Variants in KLHL12 observed in about 807,000 individuals in gnomAD.
KLHL12 encodes kelch like family member 12.
In KLHL12, 17 loss-of-function variants were observed where a neutral mutation model predicts 60.8. That is an observed-to-expected ratio of 0.28 (90% confidence interval 0.19 to 0.42). The LOEUF (loss-of-function observed/expected upper bound fraction) is 0.42, where lower values mean the gene tolerates loss of function less well. Ranked by LOEUF, KLHL12 falls within the 10% of genes least tolerant of loss-of-function variation. The pLI is 1.00. For missense variants in KLHL12, 468 were observed against 722.3 expected, an observed-to-expected ratio of 0.65 and a Z score of 4.04; for synonymous variants, 220 against 250.9, an observed-to-expected ratio of 0.88 and a Z score of 1.16.
chr1:202,920,034 C>T (rs1482364472), intron 2 of KLHL12, 126 bp from the exon 3 acceptor site: 2 of 901,056 alleles, frequency 2.2e-6, no homozygotes, highest in African/African-American at 3.4e-5. Flanking sequence ...AAATTACAGG[C>T]CAGGCGTGGT....
chr1:202,914,113 G>C (rs12752406), intron 4 of KLHL12, among the ~76,000 whole-genome samples: 1 of 152,072 alleles, frequency 6.6e-6, no homozygotes, highest in Non-Finnish European at 1.5e-5. Context: ...CAAGGGCCAG[G>C]TACAGAGAGC....
Position 202,894,285 on chromosome 1 carries a change from G to A in KLHL12, c.1295-3C>T. 1 of 1,537,244 alleles carries A rather than the reference G, an allele frequency of 6.5e-7. No homozygotes were observed. The highest frequency in any genetic ancestry group is 8.8e-7 in the Non-Finnish European group (1 of 1,132,416). ...GATATTCAAGCCGTCATATCCTCCT[G>A]GAAGACAGAGACCATTCCAGAAAGA... On this transcript the variant is annotated splice_region_variant and splice_polypyrimidine_tract_variant and intron_variant, in intron 9 of 11. Transcript: ENST00000367261.
At chr1:202,919,712 G>A (rs1660627805) in intron 3 of KLHL12, 43 bp downstream of exon 3, 3 of 1,553,068 alleles carry the variant, frequency 1.9e-6, no homozygotes, top group Non-Finnish European at 2.6e-6. Context: ...AACCTTTCCA[G>A]GGCTATTTTG....
At position 202,894,681 on chromosome 1, in the gene KLHL12, T is replaced by C; in HGVS notation, c.1204A>G (p.Asn402Asp). 1 of 1,614,110 alleles carries C rather than the reference T, an allele frequency of 6.2e-7. No homozygotes were observed. The highest frequency in any genetic ancestry group is 8.5e-7 in the Non-Finnish European group (1 of 1,179,976). Residue 402 changes from asparagine (N) to aspartate (D), a missense_variant, in exon 9 of 12, where the codon AAC (asparagine) becomes GAC (aspartate). By Grantham distance (23) the Asn-to-Asp change is conservative. Transcript: ENST00000367261. ...CCCAGCATGCTCCACTGGTCAATGTTTGGATCATAGCGCTCCATACTGGTG... is the reference window on the plus strand; with the variant it reads ...CCCAGCATGCTCCACTGGTCAATGTCTGGATCATAGCGCTCCATACTGGTG... ...RHTSMERYDP[N>D]IDQWSMLGDM... is the part of the protein sequence containing the mutation.
At chr1:202,920,368 G>A (rs572972283) in intron 2 of KLHL12, among the ~76,000 whole-genome samples, 138 of 103,100 alleles carry the variant, frequency 1.3e-3, no homozygotes, top group Middle Eastern at 5.1e-3. Context: ...TATTTTGTTG[G>A]ATTTTTTTTT....
chr1:202,904,192 C>A lies in KLHL12; in HGVS notation c.832+4818G>T, dbSNP rs563668342. Among the ~76,000 whole-genome samples the A allele has an allele frequency of 2.9e-3, 445 of 151,846 alleles. 2 individuals are homozygous for A. Among genetic ancestry groups the A allele is most frequent in the African/African-American group, 0.01 (428 of 41,400 alleles). On this transcript the variant is annotated intron_variant, in intron 6 of 11. Coordinates refer to ENST00000367261, the MANE Select transcript of KLHL12 (RefSeq NM_021633.4). ...GCTAATTTTGTATTTTTAGTAGAGA[C>A]AGGATTTCTCCATGTTGGTCAGGCT...
At chr1:202,928,413 G>T (rs149905455), upstream of KLHL12, 32 of 951,976 alleles carry the variant, frequency 3.4e-5, no homozygotes, top group Non-Finnish European at 4.5e-5. Flanking sequence ...CGCTCACTAG[G>T]CAGGGCAGGC....
At chr1:202,917,386 A>AT (rs1320379020) in intron 4 of KLHL12, among the ~76,000 whole-genome samples, 1 of 151,968 alleles carries the variant, frequency 6.6e-6, no homozygotes, top group Non-Finnish European at 1.5e-5. Context: ...GGCTAATTTT[A>AT]TTTTTTTGTA....
intron 7 of KLHL12, among the ~76,000 whole-genome samples, chr1:202,896,281 G>A (rs1557985676): frequency 6.6e-6 from 1 of 152,082 alleles, no homozygotes; most frequent in Non-Finnish European, 1.5e-5. Flanking sequence ...CGAACTCCTG[G>A]GCTCAAGCAA....
rs922689568 is a variant in KLHL12, at chr1:202,922,579, C to T, written c.195+2389G>A. 4.6e-5 allele frequency among the ~76,000 whole-genome samples: 7 copies of T among 151,822 alleles called. No homozygotes were observed. In the East Asian group the frequency reaches 5.8e-4, roughly 13 times the overall value. ...TGGGCTCACTGCCAGCTCCGCCTCC[C>T]GGGTTCACGCCATTCTCCTGCCTCA... On this transcript the variant is annotated intron_variant, in intron 2 of 11. Transcript: ENST00000367261.
At chr1:202,924,933 G>A (rs771036525) in intron 2 of KLHL12, 35 bp downstream of exon 2, 87 of 1,589,866 alleles carry the variant, frequency 5.5e-5, no homozygotes, top group Non-Finnish European at 6.8e-5. Context: ...AGAGTTCCAC[G>A]GGTTTCATTT....
At position 202,893,446 on chromosome 1, in the gene KLHL12, A is replaced by C; in HGVS notation, c.1394-21T>G. On this transcript the variant is annotated intron_variant, in intron 10 of 11. Coordinates refer to ENST00000367261, the MANE Select transcript of KLHL12 (RefSeq NM_021633.4). The surrounding 1 kb of genome is among the most constrained non-coding windows in gnomAD (Gnocchi z 4.1). ...TGCACCTGGGGAAAATGAATGCATT[A>C]GCAAATGTATGGTACTAAGCCTAGA... 2 of 1,590,050 alleles carry C rather than the reference A, an allele frequency of 1.3e-6. No individual in the cohort carries two copies. Among genetic ancestry groups the C allele is most frequent in the Non-Finnish European group, 1.7e-6 (2 of 1,161,966 alleles).
rs777812307 is a variant in KLHL12 at position 202,893,333 on chromosome 1, G to A, written c.1486C>T (p.Arg496Cys). 7.4e-6 allele frequency: 12 copies of A among 1,613,856 alleles called. No homozygotes were observed. Among genetic ancestry groups the A allele is most frequent in the Non-Finnish European group, 9.3e-6 (11 of 1,179,830 alleles). ...HLSSVEAYNI[R>C]TDSWTTVTSM... Reference sequence around the variant, plus strand: ...GTGACAGTTGTCCAGGAATCAGTGCGAATGTTGTATGCTTCAACGGAAGAA... The same window carrying A: ...GTGACAGTTGTCCAGGAATCAGTGCAAATGTTGTATGCTTCAACGGAAGAA... Residue 496 changes from arginine (R) to cysteine (C), a missense_variant, in exon 11 of 12, where the codon CGC becomes TGC. By Grantham distance (180) the Arg-to-Cys change is radical. Coordinates refer to ENST00000367261, the MANE Select transcript of KLHL12 (RefSeq NM_021633.4). This position sits in a 1 kb window ranked among gnomAD's most constrained non-coding sequence, Gnocchi z 4.1.
chr1:202,892,569 G>A lies in KLHL12; in HGVS notation c.1671C>T (p.Arg557=). ...WEVVTSMGTQ[R]CDAGVCVLRE... ...GGAGAACACAAACACCAGCATCACA[G>A]CGCTGGGTTCCCATGGATGTCACGA... The change falls in exon 12 of 12, where the codon CGC becomes CGT. Residue 557 remains arginine, a synonymous_variant. Transcript: ENST00000367261. 1.2e-6 allele frequency: 2 copies of A among 1,614,100 alleles called. No individual in the cohort carries two copies. The highest frequency in any genetic ancestry group is 8.5e-7 in the Non-Finnish European group (1 of 1,180,034).
intron 4 of KLHL12, among the ~76,000 whole-genome samples, chr1:202,917,434 A>G (rs894478767): frequency 2.9e-5 from 3 of 103,438 alleles, no homozygotes; most frequent in Non-Finnish European, 6.4e-5. Flanking sequence ...GCTAGTATCA[A>G]ACTCCTGGAC....
intron 6 of KLHL12, among the ~76,000 whole-genome samples, chr1:202,905,127 A>G (rs747867521): frequency 1.1e-4 from 17 of 152,308 alleles, no homozygotes; most frequent in African/African-American, 1.4e-4. Flanking sequence ...TCCCTTCTAG[A>G]ACTTCTGAAA....
chr1:202,895,645 C>A lies in KLHL12; in HGVS notation c.1012G>T (p.Asp338Tyr), dbSNP rs780850589. 2.7e-5 allele frequency: 43 copies of A among 1,614,050 alleles called. No individual in the cohort carries two copies. The highest frequency in any genetic ancestry group is 3.6e-5 in the Non-Finnish European group (43 of 1,180,034). The change falls in exon 8 of 12, where the codon GAT becomes TAT. Residue 338 changes from aspartate to tyrosine, a missense_variant. Around this residue, in one of 4 missense-constraint regions of KLHL12, gnomAD observed 339 missense variants for 525.0 expected, o/e 0.65. Coordinates refer to ENST00000367261, the MANE Select transcript of KLHL12 (RefSeq NM_021633.4). This position sits in a 1 kb window ranked among gnomAD's most constrained non-coding sequence, Gnocchi z 4.2. ...HDRIYVIGGY[D>Y]GRSRLSSVEC... ...ACTGAACTAAGGCGGGAACGGCCAT[C>A]ATAGCCACCAATGACGTAGATCCGG...
intron 6 of KLHL12, among the ~76,000 whole-genome samples, chr1:202,905,939 G>A (rs1229027241): frequency 1.5e-5 from 2 of 134,298 alleles, no homozygotes; most frequent in African/African-American, 5.5e-5. Context: ...TGAGTAGCTT[G>A]AACTACAGGT....
upstream of KLHL12, chr1:202,927,365 C>A (rs905988459): frequency 6.7e-6 from 5 of 743,210 alleles, no homozygotes; most frequent in Non-Finnish European, 6.6e-6. Context: ...GGCTTCTGTA[C>A]GCTGCTAGGA....
Sources: allele counts gnomAD v4.1 joint callset (sites outside exome capture counted in the v4.1 genomes callset), GRCh38; gene constraint gnomAD v4.1.1; regional missense constraint gnomAD v4.1.1; non-coding constraint Gnocchi (gnomAD v3.1); transcripts MANE v1.5; gene names NCBI Gene and HGNC (gene_info 2026-07-23, HGNC 2026-07-21).